COL19A1: variants seen among roughly 807,000 people sequenced by gnomAD.
COL19A1 encodes collagen alpha-1(XIX) chain.
Under a neutral mutation model 190.2 loss-of-function variants are expected in COL19A1, and 159 were observed. That is an observed-to-expected ratio of 0.84 (90% CI 0.73 to 0.95). The LOEUF is 0.95. COL19A1 is among the 40% of genes least tolerant of loss of function. The probability of loss-of-function intolerance (pLI) is 0.00; values close to 1 mark genes in which losing one functional copy is unlikely to be tolerated. For missense variants in COL19A1, 1,418 were observed against 1,431.9 expected (o/e 0.99, Z 0.16); for synonymous variants, 509 against 458.9 (o/e 1.11, Z -1.39).
intron 15 of COL19A1, among the ~76,000 whole-genome samples, chr6:70,087,425 A>G (rs760787429): frequency 2.6e-5 from 4 of 152,180 alleles, no homozygotes; most frequent in Non-Finnish European, 5.9e-5. Context: ...TAGGGGAAGC[A>G]GCAGGTGCAA....
chr6:70,168,186 C>A lies in COL19A1; in HGVS notation c.2512C>A (p.Pro838Thr). The A allele has an allele frequency of 6.2e-7, 1 of 1,612,752 alleles. No homozygotes were observed. Among genetic ancestry groups the A allele is most frequent in the Non-Finnish European group, 8.5e-7 (1 of 1,179,392 alleles). The change falls in exon 39 of 51, where the codon CCC becomes ACC. Residue 838 changes from proline to threonine, a missense_variant. Coordinates refer to ENST00000620364, the MANE Select transcript of COL19A1 (RefSeq NM_001858.6). Reference sequence around the variant, plus strand: ...TCTTTTGAAGGGAGGTGTGAATGTTCCCAGTTACCCAGGGCCACCCGGTCC... The same window carrying A: ...TCTTTTGAAGGGAGGTGTGAATGTTACCAGTTACCCAGGGCCACCCGGTCC... ...LYKIKGGVNV[P>T]SYPGPPGPPG... is the part of the protein sequence containing the mutation.
chr6:69,942,935 C>G (rs1451559304), intron 9 of COL19A1, among the ~76,000 whole-genome samples: 1 of 152,058 alleles, frequency 6.6e-6, no homozygotes, highest in Non-Finnish European at 1.5e-5. Flanking sequence ...ATTTCTGGAT[C>G]ACATGGTAGT....
At chr6:70,088,332 A>G (rs1398971261) in intron 15 of COL19A1, among the ~76,000 whole-genome samples, 3 of 152,040 alleles carry the variant, frequency 2.0e-5, no homozygotes, top group African/African-American at 7.2e-5. Context: ...ACTTTTTCAG[A>G]TTCACTTAAT....
At chr6:70,198,996 C>T (rs1187293020) in intron 48 of COL19A1, among the ~76,000 whole-genome samples, 1 of 152,164 alleles carries the variant, frequency 6.6e-6, no homozygotes, top group African/African-American at 2.4e-5. Flanking sequence ...TCTTGGGTGA[C>T]CTCACTCCAT....
intron 17 of COL19A1, among the ~76,000 whole-genome samples, chr6:70,128,964 C>G (rs888208641): frequency 3.3e-5 from 5 of 152,284 alleles, no homozygotes; most frequent in African/African-American, 1.2e-4. Flanking sequence ...CTCCCAGATC[C>G]TTGAGAAAGA....
At chr6:70,119,329 G>A (rs181158051) in intron 16 of COL19A1, among the ~76,000 whole-genome samples, 46 of 152,318 alleles carry the variant, frequency 3.0e-4, no homozygotes, top group Non-Finnish European at 5.7e-4. Flanking sequence ...AGATAAAGAG[G>A]CCTCTCTCAA....
At chr6:69,967,438 T>C (rs918835381) in intron 11 of COL19A1, among the ~76,000 whole-genome samples, 2 of 152,082 alleles carry the variant, frequency 1.3e-5, no homozygotes, top group Non-Finnish European at 2.9e-5. Context: ...GCTGTGAGAG[T>C]CCATGGTTGA....
At chr6:69,984,751 C>G (rs1776224350) in intron 11 of COL19A1, among the ~76,000 whole-genome samples, 1 of 152,154 alleles carries the variant, frequency 6.6e-6, no homozygotes, top group African/African-American at 2.4e-5. Context: ...TCACTTTATA[C>G]TTTAATGACA....
intron 42 of COL19A1, among the ~76,000 whole-genome samples, chr6:70,177,622 T>G (rs1398759269): frequency 1.3e-5 from 2 of 152,236 alleles, no homozygotes; most frequent in Admixed American, 1.3e-4. Context: ...TCTTCCAAAT[T>G]TTTTATAAAA....
At chr6:70,185,430 A>C (rs1441915553) in intron 46 of COL19A1, among the ~76,000 whole-genome samples, 1 of 152,226 alleles carries the variant, frequency 6.6e-6, no homozygotes, top group Non-Finnish European at 1.5e-5. Flanking sequence ...AAATCACTGC[A>C]ATTGAGAACT....
chr6:70,194,319 C>T (rs139570671), intron 48 of COL19A1, among the ~76,000 whole-genome samples: 191 of 152,268 alleles, frequency 1.3e-3, no homozygotes, highest in Middle Eastern at 3.4e-3. Flanking sequence ...TTGGGGCTTC[C>T]CAGGTGACCC....
chr6:70,068,833 A>C (rs1026473434), intron 15 of COL19A1, among the ~76,000 whole-genome samples: 7 of 152,122 alleles, frequency 4.6e-5, no homozygotes, highest in African/African-American at 1.4e-4. Context: ...TATTAACTAC[A>C]TTCTTTATCC....
intron 15 of COL19A1, among the ~76,000 whole-genome samples, chr6:70,070,388 A>G (rs1173023409): frequency 6.6e-6 from 1 of 152,158 alleles, no homozygotes; most frequent in Non-Finnish European, 1.5e-5. Flanking sequence ...ATTTTATATT[A>G]CTTTTATCTT....
chr6:70,183,363 A>G (rs1766304819), intron 44 of COL19A1, among the ~76,000 whole-genome samples: 2 of 152,210 alleles, frequency 1.3e-5, no homozygotes, highest in Non-Finnish European at 2.9e-5. Context: ...CTCTGAAAGC[A>G]GGGCTGCCCT....
intron 16 of COL19A1, among the ~76,000 whole-genome samples, chr6:70,106,426 G>A (rs1053408642): frequency 1.3e-5 from 2 of 151,494 alleles, no homozygotes; most frequent in African/African-American, 4.9e-5. Flanking sequence ...TCTAATAATG[G>A]AAAATTTACT....
chr6:69,934,407 G>C (rs983912884), intron 7 of COL19A1, among the ~76,000 whole-genome samples: 3 of 151,968 alleles, frequency 2.0e-5, no homozygotes, highest in South Asian at 2.1e-4. Context: ...AGTTTTTAAA[G>C]TAATAACTTT....
intron 10 of COL19A1, among the ~76,000 whole-genome samples, chr6:69,961,813 T>A (rs190265428): frequency 6.6e-6 from 1 of 152,224 alleles, no homozygotes; most frequent in Non-Finnish European, 1.5e-5. Context: ...GGTATATATA[T>A]ATAAAAAACA....
rs1474020901 is a variant in COL19A1 at position 70,092,088 on chromosome 6, CG to C, written c.1225-10080del. Among the ~76,000 whole-genome samples the C allele has an allele frequency of 5.3e-5, 8 of 151,922 alleles. No homozygotes were observed. The South Asian group carries it at 6.2e-4, about 12-fold the overall frequency. On this transcript the variant is annotated intron_variant, in intron 15 of 50. Coordinates refer to ENST00000620364, the MANE Select transcript of COL19A1 (RefSeq NM_001858.6). Reference sequence around the variant, plus strand: ...AAAGAAGTGGTGAGCTGGGAAATGCCGTCTGAACACACTTGATCTAAAGCCT... The same window carrying C: ...AAAGAAGTGGTGAGCTGGGAAATGCCTCTGAACACACTTGATCTAAAGCCT...
intron 15 of COL19A1, among the ~76,000 whole-genome samples, chr6:70,090,910 G>A (rs1035474639): frequency 1.3e-5 from 2 of 152,166 alleles, no homozygotes; most frequent in Admixed American, 1.3e-4. Context: ...ATTTGTTCTT[G>A]CTGTTCCCTC....
Sources: gnomAD v4.1 joint callset for allele counts (sites outside exome capture counted in the v4.1 genomes callset) on GRCh38, gnomAD v4.1.1 for gene constraint, MANE v1.5 for transcripts, NCBI Gene and HGNC (gene_info 2026-07-23, HGNC 2026-07-21) for gene names.